SMAD2: variants seen among roughly 807,000 people sequenced by gnomAD.
The protein encoded by SMAD2 is MAD homolog 2.
A neutral mutation model predicts 64.4 loss-of-function variants in SMAD2; 8 were observed. The ratio of observed to expected loss-of-function variants is 0.12; its 90% CI spans 0.07 to 0.22. The LOEUF (loss-of-function observed/expected upper bound fraction) is 0.22. SMAD2 is among the 10% of genes least tolerant of loss of function. The pLI is 1.00. For synonymous variants in SMAD2, 203 were observed against 195.8 expected, an observed-to-expected ratio of 1.04 and a Z score of -0.31; for missense variants, 289 against 561.2, an observed-to-expected ratio of 0.51 and a Z score of 4.90.
At position 47,841,146 on chromosome 18, in the gene SMAD2, A is replaced by T. The variant is rs1471469578; in HGVS notation, c.*681T>A. 3 of 185,198 alleles carry T rather than the reference A, an allele frequency of 1.6e-5. No individual in the cohort carries two copies. The highest frequency in any genetic ancestry group is 3.1e-5 in the Non-Finnish European group (3 of 97,582). 11.5% of individuals were successfully genotyped at this position (185,198 alleles called of 1,614,324 possible). A position where few individuals can be genotyped will look rare whatever the true frequency, so the allele number is the denominator to read the frequency against. ...TTCCTTATAATAAGATTTAGCAGTT[A>T]AAAAAAAAAACAAAAAAAAACAAAA... On this transcript the variant is annotated 3_prime_UTR_variant, in exon 11 of 11. Coordinates refer to ENST00000262160, the MANE Select transcript of SMAD2 (RefSeq NM_005901.6).
chr18:47,868,745 CT>C, intron 4 of SMAD2, among the ~76,000 whole-genome samples: 1 of 152,188 alleles, frequency 6.6e-6, no homozygotes, highest in East Asian at 1.9e-4. Context: ...CATTGGAAAA[CT>C]TAACATTGTC....
chr18:47,898,039 T>G (rs937832973), intron 1 of SMAD2, among the ~76,000 whole-genome samples: 9 of 152,228 alleles, frequency 5.9e-5, no homozygotes, highest in African/African-American at 2.2e-4. Flanking sequence ...TACATTTTCA[T>G]TAGTTTGTTC....
At chr18:47,847,761 G>C (rs75908887) in intron 8 of SMAD2, among the ~76,000 whole-genome samples, 41 of 144,824 alleles carry the variant, frequency 2.8e-4, no homozygotes, top group South Asian at 1.5e-3. Context: ...TAGTGTAACA[G>C]AATTGGAGTC....
intron 1 of SMAD2, among the ~76,000 whole-genome samples, chr18:47,913,505 ATCTG>A (rs1184596979): frequency 1.3e-5 from 2 of 152,220 alleles, no homozygotes; most frequent in African/African-American, 4.8e-5. Flanking sequence ...GTTGGCTGAC[ATCTG>A]TCTAATATCT....
intron 1 of SMAD2, among the ~76,000 whole-genome samples, chr18:47,913,387 C>A (rs979321909): frequency 1.3e-5 from 2 of 152,146 alleles, no homozygotes; most frequent in Admixed American, 1.3e-4. Flanking sequence ...CCTGGTATTG[C>A]CACATGATTT....
intron 1 of SMAD2, among the ~76,000 whole-genome samples, chr18:47,903,898 T>G (rs1219079936): frequency 2.0e-5 from 2 of 98,420 alleles, no homozygotes; most frequent in African/African-American, 3.5e-5. Context: ...GGACTCAGAA[T>G]ATCCAAAACC....
Position 47,830,781 on chromosome 18 carries a change from C to T in SMAD2, c.*11046G>A, listed in dbSNP as rs1387827298. 4 of 156,288 alleles carry T rather than the reference C, an allele frequency of 2.6e-5. No homozygotes were observed. The highest frequency in any genetic ancestry group is 9.6e-5 in the African/African-American group (4 of 41,576). 9.7% of individuals were successfully genotyped at this position (156,288 alleles called of 1,614,324 possible). ...ATTTAAAATCAGAGCAAATGAATTT[C>T]TTAAGTTCAAGATACGTACTCTCAA... On this transcript the variant is annotated 3_prime_UTR_variant, in exon 11 of 11. Coordinates refer to ENST00000262160, the MANE Select transcript of SMAD2 (RefSeq NM_005901.6).
At chr18:47,842,082 A>G in intron 10 of SMAD2, 132 bp from the exon 11 acceptor site, 1 of 919,182 alleles carries the variant, frequency 1.1e-6, no homozygotes, top group Non-Finnish European at 1.7e-6. Context: ...GGACACGATT[A>G]TTCCGCAAAA....
chr18:47,882,707 G>T (rs914949725), intron 2 of SMAD2, among the ~76,000 whole-genome samples: 2 of 152,142 alleles, frequency 1.3e-5, no homozygotes, highest in Non-Finnish European at 2.9e-5. Flanking sequence ...GATATTTGTT[G>T]CACAAATGCT....
chr18:47,812,363 T>G lies in SMAD2; in HGVS notation c.*29464A>C, dbSNP rs1280275626. 6.6e-6 allele frequency: 1 copy of G among 152,138 alleles called. No homozygotes were observed. The highest frequency in any genetic ancestry group is 6.5e-5 in the Admixed American group (1 of 15,274). 9.4% of individuals were successfully genotyped at this position (152,138 alleles called of 1,614,324 possible). On this transcript the variant is annotated 3_prime_UTR_variant, in exon 11 of 11. Coordinates refer to ENST00000262160, the MANE Select transcript of SMAD2 (RefSeq NM_005901.6). Reference sequence around the variant, plus strand: ...CAGCCATGTAAAACTGTGAGTCAATTAAACCTCTTTTATAAATTACCCAGT... The same window carrying G: ...CAGCCATGTAAAACTGTGAGTCAATGAAACCTCTTTTATAAATTACCCAGT...
chr18:47,910,152 A>G (rs971423684), intron 1 of SMAD2, among the ~76,000 whole-genome samples: 2 of 148,168 alleles, frequency 1.3e-5, no homozygotes, highest in African/African-American at 5.0e-5. Flanking sequence ...CGAGGAAATC[A>G]TAAGAGATTG....
chr18:47,900,836 T>C (rs1203291226), intron 1 of SMAD2, among the ~76,000 whole-genome samples: 1 of 152,172 alleles, frequency 6.6e-6, no homozygotes, highest in Non-Finnish European at 1.5e-5. Context: ...AAATTCTTAT[T>C]TTAAGTCATA....
rs78792294 is a variant in SMAD2 at position 47,905,559 on chromosome 18, A to G, written c.-53-8750T>C. ...TTACTAAAAAGACTTAGTAATCAAG[A>G]GTATAGAGTAGGCATAAGAAAAAAA... On this transcript the variant is annotated intron_variant, in intron 1 of 10. Transcript: ENST00000262160. Among the ~76,000 whole-genome samples, 5 of 152,308 alleles carry G rather than the reference A, an allele frequency of 3.3e-5. No homozygotes were observed. In the East Asian group the frequency reaches 9.6e-4, roughly 29 times the overall value.
At position 47,823,801 on chromosome 18, in the gene SMAD2, T is replaced by C. The variant is rs1415175806; in HGVS notation, c.*18026A>G. On this transcript the variant is annotated 3_prime_UTR_variant, in exon 11 of 11. Transcript: ENST00000262160. ...CATTATGCAAACTGGGATTGTCACA[T>C]TACTATTAATTTTGTGTATTTCCTT... 6.6e-6 allele frequency: 1 copy of C among 152,208 alleles called. No homozygotes were observed. The highest frequency in any genetic ancestry group is 1.5e-5 in the Non-Finnish European group (1 of 68,028). 9.4% of individuals were successfully genotyped at this position (152,208 alleles called of 1,614,324 possible). A position where few individuals can be genotyped will look rare whatever the true frequency, so the allele number is the denominator to read the frequency against.
chr18:47,851,979 T>C (rs2030144042), intron 6 of SMAD2, among the ~76,000 whole-genome samples: 1 of 152,204 alleles, frequency 6.6e-6, no homozygotes, highest in South Asian at 2.1e-4. Flanking sequence ...ATCAAGGTTG[T>C]ACCAGTTTAC....
chr18:47,883,060 T>C (rs1278131624), intron 2 of SMAD2, among the ~76,000 whole-genome samples: 5 of 152,232 alleles, frequency 3.3e-5, no homozygotes, highest in African/African-American at 1.2e-4. Context: ...TTTGGCTTTC[T>C]GATTTCTACT....
intron 2 of SMAD2, among the ~76,000 whole-genome samples, chr18:47,879,947 A>T (rs995702143): frequency 6.6e-6 from 1 of 152,218 alleles, no homozygotes; most frequent in Non-Finnish European, 1.5e-5. Context: ...CCGATATTAC[A>T]CATTTTTCCA....
chr18:47,865,085 T>C lies in SMAD2; in HGVS notation c.704A>G (p.Gln235Arg), dbSNP rs1230285434. ...YISEDGETSD[Q>R]QLNQSMDTGS... is the part of the protein sequence containing the mutation. ...TGTGTCCATACTTTGATTCAACTGT[T>C]GGTCACTTGTTTCTCCATCTTCACT... Residue 235 changes from glutamine to arginine, a missense_variant, in exon 6 of 11, where the codon CAA becomes CGA. Coordinates refer to ENST00000262160, the MANE Select transcript of SMAD2 (RefSeq NM_005901.6). 1 of 1,610,370 alleles carries C rather than the reference T, an allele frequency of 6.2e-7. No individual in the cohort carries two copies. Among genetic ancestry groups the C allele is most frequent in the Non-Finnish European group, 8.5e-7 (1 of 1,176,926 alleles).
intron 1 of SMAD2, among the ~76,000 whole-genome samples, chr18:47,922,345 G>A (rs1422904191): frequency 6.6e-6 from 1 of 152,082 alleles, no homozygotes; most frequent in Non-Finnish European, 1.5e-5. Flanking sequence ...CTTATCTGTG[G>A]GTTCCAAATA....
Sources: gnomAD v4.1 joint callset for allele counts (sites outside exome capture counted in the v4.1 genomes callset) on GRCh38, gnomAD v4.1.1 for gene constraint, MANE v1.5 for transcripts, NCBI Gene and HGNC (gene_info 2026-07-23, HGNC 2026-07-21) for gene names.